SFMBT2: variants seen among roughly 807,000 people sequenced by gnomAD.
SFMBT2 encodes the protein Scm like with four mbt domains 2.
SFMBT2 carries 38 observed loss-of-function variants against 110.1 expected under a neutral mutation model. That is an observed-to-expected ratio of 0.35 (90% CI 0.27 to 0.45). SFMBT2 has a LOEUF of 0.45. Ranked by LOEUF, SFMBT2 falls within the 20% of genes least tolerant of loss-of-function variation. The pLI, the probability that SFMBT2 is intolerant of heterozygous loss-of-function variation, is 1.00. For missense variants in SFMBT2, 1,011 were observed against 1,094.9 expected (o/e 0.92, Z 1.08); for synonymous variants, 425 against 425.4 (o/e 1.00, Z 0.01).
chr10:7,315,044 G>A (rs1422584192), intron 4 of SFMBT2, among the ~76,000 whole-genome samples: 4 of 99,454 alleles, frequency 4.0e-5, no homozygotes, highest in African/African-American at 1.4e-4. Flanking sequence ...GAAAGAGAAA[G>A]AAAGAAAGAA....
intron 11 of SFMBT2, chr10:7,206,299 G>T (rs1031448844): frequency 2.0e-6 from 2 of 985,258 alleles, no homozygotes; most frequent in African/African-American, 3.5e-5. Context: ...GAACAGCTCT[G>T]GGGTTAAGGG....
At chr10:7,220,350 G>C (rs1315348220) in intron 11 of SFMBT2, 61 bp downstream of exon 11, 28 of 1,479,070 alleles carry the variant, frequency 1.9e-5, no homozygotes, top group Non-Finnish European at 2.6e-5. Flanking sequence ...TCCTCCACAC[G>C]TTGCCATTTC....
At chr10:7,199,956 A>G (rs918720961) in intron 14 of SFMBT2, among the ~76,000 whole-genome samples, 5 of 152,242 alleles carry the variant, frequency 3.3e-5, no homozygotes, top group African/African-American at 7.2e-5. Flanking sequence ...TAAAAAACAT[A>G]TATTATTCAC....
At position 7,171,998 on chromosome 10, in the gene SFMBT2, C is replaced by T. The variant is rs777199910; in HGVS notation, c.2312G>A (p.Arg771His). 42 of 1,556,922 alleles carry T rather than the reference C, an allele frequency of 2.7e-5. No homozygotes were observed. The highest frequency in any genetic ancestry group is 6.8e-5 in the African/African-American group (5 of 73,416). Residue 771 changes from arginine (R) to histidine (H), a missense_variant, in exon 19 of 21, where the codon CGC becomes CAC. Transcript: ENST00000397167. This position sits in a 1 kb window ranked among gnomAD's most constrained non-coding sequence, Gnocchi z 4.9. The stretch of plus-strand genomic sequence containing the variant: ...TCGTGTCCTCTCTGGGGGTGGCCGG[C>T]GCACGGGCTCTGAGCCGCTCCGCAG... Reference protein sequence around the residue: ...VTLRSGSEPVRRPPPERTRRG... With the variant: ...VTLRSGSEPVHRPPPERTRRG...
chr10:7,406,940 G>C (rs1846228105), intron 1 of SFMBT2, among the ~76,000 whole-genome samples: 1 of 151,666 alleles, frequency 6.6e-6, no homozygotes, highest in Non-Finnish European at 1.5e-5. Context: ...CCCAAGAATG[G>C]GTCCTGCAAG....
intron 4 of SFMBT2, among the ~76,000 whole-genome samples, chr10:7,290,128 C>T (rs1218627717): frequency 6.6e-6 from 1 of 152,034 alleles, no homozygotes; most frequent in Non-Finnish European, 1.5e-5. Flanking sequence ...AAGATGAACG[C>T]TACGACAGGA....
chr10:7,350,261 G>C (rs1844269554), intron 4 of SFMBT2, among the ~76,000 whole-genome samples: 1 of 151,780 alleles, frequency 6.6e-6, no homozygotes, highest in African/African-American at 2.4e-5. Flanking sequence ...GGTCTTGTCT[G>C]TTCTGGCCAG....
At chr10:7,272,269 CTT>C (rs998226376) in intron 7 of SFMBT2, among the ~76,000 whole-genome samples, 1 of 152,096 alleles carries the variant, frequency 6.6e-6, no homozygotes. Flanking sequence ...AGTCCAGAGA[CTT>C]TTTTTAAAAA....
Position 7,248,642 on chromosome 10 carries a change from G to C in SFMBT2, c.878C>G (p.Ala293Gly), listed in dbSNP as rs1222403542. 1 of 1,614,052 alleles carries C rather than the reference G, an allele frequency of 6.2e-7. No individual in the cohort carries two copies. The highest frequency in any genetic ancestry group is 1.7e-5 in the Admixed American group (1 of 60,028). Residue 293 changes from alanine (A) to glycine (G), a missense_variant, in exon 8 of 21, where the codon GCA becomes GGA. Physicochemically the swap from Ala to Gly is moderately conservative, Grantham distance 60 (BLOSUM62 0). Coordinates refer to ENST00000397167, the MANE Select transcript of SFMBT2 (RefSeq NM_001387889.1). ...TGTGAAGAAATGGCTTCGCAAATCT[G>C]CGTGATCCTGCAGGGAGAAAGATGA... ...PLPMEVFKDH[A>G]DLRSHFFTVG...
rs368061544 is a variant in SFMBT2 at position 7,276,880 on chromosome 10, T to G, written c.870+12A>C. 10 of 865,086 alleles carry G rather than the reference T, an allele frequency of 1.2e-5. No individual in the cohort carries two copies. Among genetic ancestry groups the G allele is most frequent in the Middle Eastern group, 2.2e-4 (1 of 4,606 alleles). 53.6% of individuals were successfully genotyped at this position (865,086 alleles called of 1,614,324 possible). ...AAAAGGGTAGATACATTGCTAAGAA[T>G]CAACATCTTACCTTAAACACTTCCA... is the stretch of plus-strand genomic sequence containing the variant. On this transcript the variant is annotated intron_variant, in intron 7 of 20. Coordinates refer to ENST00000397167, the MANE Select transcript of SFMBT2 (RefSeq NM_001387889.1).
intron 6 of SFMBT2, among the ~76,000 whole-genome samples, chr10:7,283,055 G>A (rs1030400284): frequency 1.4e-4 from 21 of 152,156 alleles, no homozygotes; most frequent in African/African-American, 4.3e-4. Flanking sequence ...TAAAACAGGG[G>A]ACCTTGGACA....
intron 13 of SFMBT2, among the ~76,000 whole-genome samples, chr10:7,201,841 A>C (rs1457206486): frequency 9.2e-5 from 14 of 152,216 alleles, no homozygotes; most frequent in Admixed American, 9.2e-4. Context: ...AATGGGGGAC[A>C]CCCTGTTTCC....
intron 1 of SFMBT2, among the ~76,000 whole-genome samples, chr10:7,391,309 T>A (rs183544978): frequency 6.6e-6 from 1 of 151,380 alleles, no homozygotes; most frequent in Admixed American, 6.6e-5. Context: ...CTATTAAGAA[T>A]AGAAAAATTA....
At chr10:7,278,287 G>A (rs1488370796) in intron 6 of SFMBT2, among the ~76,000 whole-genome samples, 1 of 152,132 alleles carries the variant, frequency 6.6e-6, no homozygotes, top group Non-Finnish European at 1.5e-5. Context: ...AGTGAGAAGG[G>A]GGCACTCAGG....
intron 8 of SFMBT2, among the ~76,000 whole-genome samples, chr10:7,245,801 G>A (rs939911384): frequency 1.3e-5 from 2 of 152,070 alleles, no homozygotes; most frequent in Admixed American, 6.6e-5. Flanking sequence ...TCCACTACAC[G>A]TCTGTCTGCA....
chr10:7,192,891 C>T (rs922157322), intron 15 of SFMBT2, among the ~76,000 whole-genome samples: 2 of 152,282 alleles, frequency 1.3e-5, no homozygotes, highest in African/African-American at 4.8e-5. Context: ...TACGCCTTCA[C>T]ACCCAGTCTT....
chr10:7,213,255 T>C (rs961395766), intron 11 of SFMBT2, among the ~76,000 whole-genome samples: 2 of 151,114 alleles, frequency 1.3e-5, no homozygotes, highest in South Asian at 4.2e-4. Context: ...ATAAAAAAAA[T>C]TAAGAAAAAA....
At chr10:7,185,703 A>G (rs1838381310) in intron 16 of SFMBT2, among the ~76,000 whole-genome samples, 1 of 152,250 alleles carries the variant, frequency 6.6e-6, no homozygotes, top group Non-Finnish European at 1.5e-5. Flanking sequence ...CCTGGCTTTT[A>G]TAAAGATGAT....
intron 4 of SFMBT2, among the ~76,000 whole-genome samples, chr10:7,322,083 G>T (rs1317901181): frequency 6.6e-6 from 1 of 152,176 alleles, no homozygotes; most frequent in African/African-American, 2.4e-5. Flanking sequence ...ATCTCACCTT[G>T]AATTGTAAAT....
Sources: allele counts gnomAD v4.1 joint callset (sites outside exome capture counted in the v4.1 genomes callset), GRCh38; gene constraint gnomAD v4.1.1; non-coding constraint Gnocchi (gnomAD v3.1); transcripts MANE v1.5; gene names NCBI Gene and HGNC (gene_info 2026-07-23, HGNC 2026-07-21).